The following STIM2 variants were observed in gnomAD, a reference collection of about 807,000 sequenced individuals.
The protein encoded by STIM2 is stromal interaction molecule 2.
In STIM2, 31 loss-of-function variants were observed where a neutral mutation model predicts 85.8. The ratio of observed to expected loss-of-function variants is 0.36; its 90% CI spans 0.27 to 0.49. The LOEUF is 0.49. Ranked by LOEUF, STIM2 falls within the 20% of genes least tolerant of loss-of-function variation. STIM2 has a pLI of 0.98. For missense variants in STIM2, 841 were observed against 927.6 expected, an observed-to-expected ratio of 0.91 and a Z score of 1.21; for synonymous variants, 356 against 331.1, an observed-to-expected ratio of 1.08 and a Z score of -0.82.
At chr4:26,997,115 T>C (rs1489553653) in intron 4 of STIM2, among the ~76,000 whole-genome samples, 3 of 152,172 alleles carry the variant, frequency 2.0e-5, no homozygotes, top group Admixed American at 6.5e-5. Context: ...CTTAAGCCCC[T>C]ATTATATAGT....
At position 27,024,025 on chromosome 4, in the gene STIM2, T is replaced by C. The variant is rs558835557; in HGVS notation, c.*1029T>C. The C allele has an allele frequency of 6.5e-6, 1 of 152,792 alleles. No homozygotes were observed. 9.5% of individuals were successfully genotyped at this position (152,792 alleles called of 1,614,324 possible). ...AAACACTATGTTTTCTGGAGAGCTG[T>C]GTAAGCTGTCTTGTTGCTTAGTTGC... On this transcript the variant is annotated 3_prime_UTR_variant, in exon 12 of 12. Coordinates refer to ENST00000467087, the MANE Select transcript of STIM2 (RefSeq NM_020860.4).
At chr4:27,000,942 T>C (rs139868070) in intron 5 of STIM2, among the ~76,000 whole-genome samples, 433 of 152,278 alleles carry the variant, frequency 2.8e-3, no homozygotes, top group African/African-American at 1.0e-2. Flanking sequence ...GAATTGAACA[T>C]CTCAGTGTGA....
At chr4:26,968,609 G>A (rs1726819342) in intron 3 of STIM2, among the ~76,000 whole-genome samples, 2 of 152,064 alleles carry the variant, frequency 1.3e-5, no homozygotes, top group Admixed American at 6.5e-5. Flanking sequence ...TGTGATGATG[G>A]TTGCACAACA....
chr4:26,985,249 G>T (rs904491812), intron 3 of STIM2, among the ~76,000 whole-genome samples: 2 of 152,084 alleles, frequency 1.3e-5, no homozygotes, highest in Non-Finnish European at 2.9e-5. Flanking sequence ...GATTTGAAAA[G>T]TTATTATTTT....
Position 27,013,144 on chromosome 4 carries a change from G to C in STIM2, c.1489+4142G>C, listed in dbSNP as rs569493619. ...TATTAACATCATAAAATAAATGAAA[G>C]AGTAGTCCCCCTCTGCCCATATATG... is the stretch of plus-strand genomic sequence containing the variant. On this transcript the variant is annotated intron_variant, in intron 10 of 11. Coordinates refer to ENST00000467087, the MANE Select transcript of STIM2 (RefSeq NM_020860.4). Among the ~76,000 whole-genome samples, 161 of 151,436 alleles carry C rather than the reference G, an allele frequency of 1.1e-3. 2 individuals carry two copies.
At chr4:26,916,713 C>T (rs1408435383) in intron 1 of STIM2, among the ~76,000 whole-genome samples, 2 of 151,996 alleles carry the variant, frequency 1.3e-5, no homozygotes, top group Admixed American at 6.6e-5. Flanking sequence ...ACATATTAAA[C>T]CACTTGCATT....
chr4:26,968,402 A>G (rs1726813079), intron 3 of STIM2, among the ~76,000 whole-genome samples: 1 of 152,204 alleles, frequency 6.6e-6, no homozygotes, highest in Non-Finnish European at 1.5e-5. Flanking sequence ...ACATTATGCT[A>G]AGTGAAAAAA....
intron 3 of STIM2, among the ~76,000 whole-genome samples, chr4:26,966,416 T>G (rs1397077220): frequency 2.6e-5 from 4 of 152,182 alleles, no homozygotes; most frequent in African/African-American, 9.6e-5. Context: ...AATATTTTAT[T>G]TGCTGCTTTT....
chr4:26,989,318 CAAT>C (rs1181377809), intron 3 of STIM2, among the ~76,000 whole-genome samples: 2 of 149,674 alleles, frequency 1.3e-5, no homozygotes, highest in African/African-American at 2.4e-5. Flanking sequence ...ACACACAAAT[CAAT>C]AAATGTGCTA....
intron 1 of STIM2, among the ~76,000 whole-genome samples, chr4:26,885,845 A>ATGTG (rs1560194583): frequency 2.5e-5 from 1 of 39,488 alleles, no homozygotes; most frequent in Non-Finnish European, 4.7e-5. Context: ...ATATATATAT[A>ATGTG]TATATATATA....
Position 27,023,142 on chromosome 4 carries a change from G to C in STIM2, c.*146G>C. The C allele has an allele frequency of 1.4e-6, 1 of 732,022 alleles. No homozygotes were observed. Among genetic ancestry groups the C allele is most frequent in the Non-Finnish European group, 2.3e-6 (1 of 435,906 alleles). 45.3% of individuals were successfully genotyped at this position (732,022 alleles called of 1,614,324 possible). A position where few individuals can be genotyped will look rare whatever the true frequency, so the allele number is the denominator to read the frequency against. On this transcript the variant is annotated 3_prime_UTR_variant, in exon 12 of 12. Transcript: ENST00000467087. ...GCCGGATGCCATAGTGGAACATCCA[G>C]AAGGGCAACTGTCTACTGTCTGCTT...
intron 1 of STIM2, among the ~76,000 whole-genome samples, chr4:26,893,557 T>C (rs907734283): frequency 6.6e-6 from 1 of 152,252 alleles, no homozygotes; most frequent in African/African-American, 2.4e-5. Flanking sequence ...ACTTTTCTTA[T>C]GAAGCTTTTG....
intron 1 of STIM2, among the ~76,000 whole-genome samples, chr4:26,897,802 G>A (rs1040369902): frequency 6.6e-6 from 1 of 152,050 alleles, no homozygotes; most frequent in African/African-American, 2.4e-5. Context: ...GTCTTGCTCT[G>A]TTACTTAGGC....
chr4:26,901,930 A>G (rs1222745451), intron 1 of STIM2, among the ~76,000 whole-genome samples: 1 of 152,178 alleles, frequency 6.6e-6, no homozygotes, highest in African/African-American at 2.4e-5. Flanking sequence ...TTAAGAGTGC[A>G]GAGTAGGAAG....
intron 7 of STIM2, 41 bp downstream of exon 7, chr4:27,003,145 C>T: frequency 6.5e-7 from 1 of 1,527,390 alleles, no homozygotes. Flanking sequence ...AAGATGTTAA[C>T]ATTGCCACTC....
rs184430492 is a variant in STIM2, at chr4:26,950,023, C to T, written c.283-7589C>T. Among the ~76,000 whole-genome samples the T allele has an allele frequency of 2.6e-5, 4 of 152,216 alleles. No individual in the cohort carries two copies. The East Asian group carries it at 5.8e-4, about 22-fold the overall frequency. On this transcript the variant is annotated intron_variant, in intron 2 of 11. Coordinates refer to ENST00000467087, the MANE Select transcript of STIM2 (RefSeq NM_020860.4). The stretch of plus-strand genomic sequence containing the variant: ...TAAGTGCTTACAGGTACTCACTTAA[C>T]GTGAAAGTAAGTGTAACACACGGTA...
chr4:26,927,711 G>GA (rs1560209514), intron 2 of STIM2, among the ~76,000 whole-genome samples: 3 of 34,724 alleles, frequency 8.6e-5, no homozygotes, highest in African/African-American at 1.3e-4. Flanking sequence ...AAAAAAACTT[G>GA]AATAAAAAAA....
Position 26,861,046 on chromosome 4 carries a change from G to T in STIM2, c.-173G>T. The T allele has an allele frequency of 8.3e-7, 1 of 1,201,908 alleles. No homozygotes were observed. 74.5% of individuals were successfully genotyped at this position (1,201,908 alleles called of 1,614,324 possible). On this transcript the variant is annotated 5_prime_UTR_variant, in exon 1 of 12. Transcript: ENST00000467087. ...GGCGGGAGCCCGTGTCTGAGGCGGC[G>T]GGGGCGGCCGGAGGAGTCGCCGGCG...
intron 3 of STIM2, among the ~76,000 whole-genome samples, chr4:26,980,840 A>G (rs1038061541): frequency 2.0e-5 from 3 of 152,198 alleles, no homozygotes; most frequent in Middle Eastern, 6.3e-3. Flanking sequence ...TTTTTTTGCT[A>G]GATAAACATC....
Sources: allele counts gnomAD v4.1 joint callset (sites outside exome capture counted in the v4.1 genomes callset), GRCh38; gene constraint gnomAD v4.1.1; transcripts MANE v1.5; gene names NCBI Gene and HGNC (gene_info 2026-07-23, HGNC 2026-07-21).